The following CDH13 variants were observed in gnomAD, a reference collection of about 807,000 sequenced individuals.
CDH13 encodes cadherin-13.
A neutral mutation model predicts 63.8 loss-of-function variants in CDH13; 24 were observed. The observed-to-expected ratio is 0.38, with a 90% CI of 0.27 to 0.53. CDH13 has a LOEUF of 0.53. CDH13 is among the 20% of genes least tolerant of loss of function. The probability of loss-of-function intolerance (pLI) is 0.85; values close to 1 mark genes in which losing one functional copy is unlikely to be tolerated. For missense variants in CDH13, 1,049 were observed against 903.1 expected (o/e 1.16, Z -2.07); for synonymous variants, 503 against 355.3 (o/e 1.42, Z -4.67).
intron 2 of CDH13, among the ~76,000 whole-genome samples, chr16:83,008,919 A>G (rs1340795174): frequency 1.3e-5 from 2 of 152,282 alleles, no homozygotes; most frequent in Middle Eastern, 3.4e-3. Flanking sequence ...GTGGAAGGGG[A>G]AGCAAACACG....
At chr16:83,054,590 C>G (rs1437295533) in intron 3 of CDH13, among the ~76,000 whole-genome samples, 1 of 152,150 alleles carries the variant, frequency 6.6e-6, no homozygotes, top group East Asian at 1.9e-4. Flanking sequence ...TTATTTCTTT[C>G]TGAAGTTTTC....
At chr16:82,923,882 G>A (rs1414640527) in intron 2 of CDH13, among the ~76,000 whole-genome samples, 1 of 152,144 alleles carries the variant, frequency 6.6e-6, no homozygotes, top group Non-Finnish European at 1.5e-5. Flanking sequence ...TTGGGATCCT[G>A]GTTCTGCATT....
intron 5 of CDH13, among the ~76,000 whole-genome samples, chr16:83,322,525 A>G (rs763617346): frequency 1.3e-5 from 2 of 152,084 alleles, no homozygotes; most frequent in Non-Finnish European, 2.9e-5. Context: ...CACTGGGGAG[A>G]CAGAGACAAA....
intron 1 of CDH13, among the ~76,000 whole-genome samples, chr16:82,676,142 A>G (rs931794065): frequency 2.0e-5 from 3 of 152,196 alleles, no homozygotes; most frequent in African/African-American, 7.2e-5. Flanking sequence ...CATGGATTCA[A>G]CTTTATCTAC....
intron 4 of CDH13, among the ~76,000 whole-genome samples, chr16:83,158,933 C>G (rs1048175274): frequency 9.9e-5 from 15 of 152,174 alleles, no homozygotes; most frequent in East Asian, 3.9e-4. Context: ...TAACACTGTT[C>G]TCAGGACCTT....
At chr16:83,721,217 G>A (rs930370710) in intron 10 of CDH13, 4 of 152,212 alleles carry the variant, frequency 2.6e-5, no homozygotes, top group Admixed American at 6.5e-5. Context: ...TTAATTGGGG[G>A]TTGGCAGTCC....
intron 1 of CDH13, among the ~76,000 whole-genome samples, chr16:82,695,715 T>C (rs1031695394): frequency 2.6e-5 from 4 of 152,330 alleles, no homozygotes; most frequent in Middle Eastern, 3.4e-3. Flanking sequence ...AGGTCACTAA[T>C]TGATTCTCCA....
At chr16:82,790,923 G>A (rs746608275) in intron 1 of CDH13, among the ~76,000 whole-genome samples, 88 of 152,166 alleles carry the variant, frequency 5.8e-4, no homozygotes, top group Non-Finnish European at 1.1e-3. Flanking sequence ...AGGACTAGCT[G>A]GATTTCCTAG....
chr16:83,215,451 G>A (rs1433952213), intron 4 of CDH13, among the ~76,000 whole-genome samples: 4 of 151,428 alleles, frequency 2.6e-5, no homozygotes, highest in Admixed American at 6.6e-5. Context: ...ATATGTAATT[G>A]GTGTTTAGTC....
chr16:83,134,411 A>G (rs2036185232), intron 4 of CDH13, among the ~76,000 whole-genome samples: 1 of 152,036 alleles, frequency 6.6e-6, no homozygotes, highest in African/African-American at 2.4e-5. Flanking sequence ...GCTGCTCTGG[A>G]ACTCCTGACC....
At chr16:83,713,443 G>T (rs1908377857) in intron 10 of CDH13, among the ~76,000 whole-genome samples, 1 of 151,546 alleles carries the variant, frequency 6.6e-6, no homozygotes, top group South Asian at 2.1e-4. Flanking sequence ...GAGGGAGGGA[G>T]ATTTTGAAGG....
intron 7 of CDH13, among the ~76,000 whole-genome samples, chr16:83,491,923 T>C (rs1474646060): frequency 2.0e-5 from 3 of 152,140 alleles, no homozygotes; most frequent in Admixed American, 6.6e-5. Flanking sequence ...CCATGGTAAG[T>C]GTTACATAAG....
intron 11 of CDH13, among the ~76,000 whole-genome samples, chr16:83,779,435 A>AAAAAAC (rs1320918465): frequency 6.7e-6 from 1 of 149,564 alleles, no homozygotes; most frequent in Non-Finnish European, 1.5e-5. Flanking sequence ...AAAAAAAAAA[A>AAAAAAC]AAAGTCTTAT....
chr16:83,644,501 C>A (rs1414282545), intron 8 of CDH13, among the ~76,000 whole-genome samples: 1 of 152,192 alleles, frequency 6.6e-6, no homozygotes, highest in Admixed American at 6.5e-5. Flanking sequence ...AAATGCCTGG[C>A]CCAAAAGTAT....
intron 5 of CDH13, among the ~76,000 whole-genome samples, chr16:83,342,131 G>A (rs762287318): frequency 1.4e-4 from 22 of 151,870 alleles, no homozygotes; most frequent in Non-Finnish European, 2.9e-5. Flanking sequence ...CACTCAAAAC[G>A]TTCCTAGTTT....
At chr16:83,024,483 C>A (rs1355384195) in intron 2 of CDH13, among the ~76,000 whole-genome samples, 1 of 152,114 alleles carries the variant, frequency 6.6e-6, no homozygotes, top group African/African-American at 2.4e-5. Flanking sequence ...ACTGGCATAG[C>A]CCTCAGGAGT....
chr16:82,642,449 T>C (rs994555136), intron 1 of CDH13, among the ~76,000 whole-genome samples: 2 of 152,238 alleles, frequency 1.3e-5, no homozygotes, highest in African/African-American at 4.8e-5. Flanking sequence ...ATGCAAGATA[T>C]AATTTTATAG....
intron 7 of CDH13, among the ~76,000 whole-genome samples, chr16:83,586,154 T>TG (rs150863217): frequency 0.13 from 19,251 of 152,266 alleles, 1,363 homozygotes; most frequent in Middle Eastern, 0.23. Flanking sequence ...CCGGATGAAC[T>TG]GGCAAGCGAT....
intron 2 of CDH13, among the ~76,000 whole-genome samples, chr16:82,880,131 C>T (rs899557009): frequency 6.6e-6 from 1 of 151,742 alleles, no homozygotes; most frequent in Non-Finnish European, 1.5e-5. Flanking sequence ...ATGATACATA[C>T]TGATCATACC....
Sources: gnomAD v4.1 joint callset for allele counts (sites outside exome capture counted in the v4.1 genomes callset) on GRCh38, gnomAD v4.1.1 for gene constraint, MANE v1.5 for transcripts, NCBI Gene and HGNC (gene_info 2026-07-23, HGNC 2026-07-21) for gene names.